Variants in YPEL2 observed in about 807,000 individuals in gnomAD.
The protein encoded by YPEL2 is protein yippee-like 2.
YPEL2 carries 2 observed loss-of-function variants against 19.1 expected under a neutral mutation model. The observed-to-expected ratio is 0.10, with a 90% CI of 0.04 to 0.33. YPEL2 has a LOEUF of 0.33. Ranked by LOEUF, YPEL2 falls within the 10% of genes least tolerant of loss-of-function variation. The pLI is 1.00. For missense variants in YPEL2, 66 were observed against 140.7 expected (o/e 0.47, Z 2.68); for synonymous variants, 52 against 50.0 (o/e 1.04, Z -0.17).
At chr17:59,343,301 G>C (rs1215622632) in intron 1 of YPEL2, among the ~76,000 whole-genome samples, 1 of 151,764 alleles carries the variant, frequency 6.6e-6, no homozygotes, top group Non-Finnish European at 1.5e-5. Flanking sequence ...ATTTTACTCA[G>C]TTAACATTTA....
At chr17:59,390,472 C>G (rs925479332) in intron 4 of YPEL2, among the ~76,000 whole-genome samples, 1 of 152,198 alleles carries the variant, frequency 6.6e-6, no homozygotes, top group East Asian at 1.9e-4. Flanking sequence ...AGCCACTGTA[C>G]TTTGATACTC....
chr17:59,383,458 C>T (rs1002788652), intron 2 of YPEL2, among the ~76,000 whole-genome samples: 2 of 147,606 alleles, frequency 1.4e-5, no homozygotes, highest in African/African-American at 5.0e-5. Flanking sequence ...ATTAGCTGGG[C>T]GTGGTGGTGG....
chr17:59,386,568 A>C (rs760191678), intron 2 of YPEL2, among the ~76,000 whole-genome samples: 31 of 152,078 alleles, frequency 2.0e-4, no homozygotes, highest in Non-Finnish European at 3.4e-4. Context: ...GGAGTGAAGG[A>C]CATAATGGGG....
intron 2 of YPEL2, among the ~76,000 whole-genome samples, chr17:59,360,169 CG>C (rs2047833494): frequency 6.6e-6 from 1 of 151,946 alleles, no homozygotes; most frequent in Non-Finnish European, 1.5e-5. Flanking sequence ...CTCCGCTTCC[CG>C]GGTTCACGCC....
intron 2 of YPEL2, among the ~76,000 whole-genome samples, chr17:59,368,331 G>A (rs894476287): frequency 3.3e-5 from 5 of 152,286 alleles, no homozygotes; most frequent in South Asian, 4.1e-4. Flanking sequence ...TGATCAGCCC[G>A]CCTTGGCCTG....
chr17:59,399,389 A>G lies in YPEL2; in HGVS notation c.*2199A>G, dbSNP rs575163600. The G allele has an allele frequency of 2.0e-5, 3 of 152,372 alleles. No individual in the cohort carries two copies. Among genetic ancestry groups the G allele is most frequent in the African/African-American group, 7.2e-5 (3 of 41,578 alleles). 9.4% of individuals were successfully genotyped at this position (152,372 alleles called of 1,614,324 possible). A position where few individuals can be genotyped will look rare whatever the true frequency, so the allele number is the denominator to read the frequency against. On this transcript the variant is annotated 3_prime_UTR_variant, in exon 5 of 5. Transcript: ENST00000312655. The stretch of plus-strand genomic sequence containing the variant: ...AGGTATTTTGTCTTTCAAACTACAA[A>G]TGGAATGTGGTGACATAAACTAGAC...
chr17:59,383,593 AAAAAAAAAAAAAAAAAATAT>A (rs1567756656), intron 2 of YPEL2, among the ~76,000 whole-genome samples: 9 of 52,420 alleles, frequency 1.7e-4, no homozygotes, highest in African/African-American at 7.4e-4. Flanking sequence ...AAAAAAAAAA[AAAAAAAAAAAAAAAAAATAT>A]ATATATATAT....
At chr17:59,349,702 C>G (rs931455494) in intron 1 of YPEL2, among the ~76,000 whole-genome samples, 1 of 152,098 alleles carries the variant, frequency 6.6e-6, no homozygotes, top group African/African-American at 2.4e-5. Flanking sequence ...CGCACTGTCA[C>G]CAGACTGGAG....
chr17:59,364,792 ATTTG>A (rs1263601860), intron 2 of YPEL2, among the ~76,000 whole-genome samples: 1 of 151,624 alleles, frequency 6.6e-6, no homozygotes, highest in Non-Finnish European at 1.5e-5. Context: ...TTATTTATTT[ATTTG>A]TTTATTTCAT....
At chr17:59,376,777 C>T (rs766125303) in intron 2 of YPEL2, among the ~76,000 whole-genome samples, 17 of 151,960 alleles carry the variant, frequency 1.1e-4, no homozygotes, top group Admixed American at 3.9e-4. Context: ...TCTAATTTCA[C>T]TGTAGTGATT....
intron 2 of YPEL2, among the ~76,000 whole-genome samples, chr17:59,382,868 C>A (rs1183817703): frequency 2.0e-5 from 3 of 152,144 alleles, no homozygotes; most frequent in African/African-American, 7.2e-5. Flanking sequence ...GTCTCAAACT[C>A]CTGACCTCAA....
intron 1 of YPEL2, among the ~76,000 whole-genome samples, chr17:59,341,563 G>A (rs1318959874): frequency 3.9e-5 from 6 of 152,172 alleles, no homozygotes; most frequent in African/African-American, 1.4e-4. Context: ...GGAGGCGGAG[G>A]CAGGAGAATT....
At chr17:59,381,373 C>A (rs965722442) in intron 2 of YPEL2, among the ~76,000 whole-genome samples, 2 of 152,264 alleles carry the variant, frequency 1.3e-5, no homozygotes, top group Admixed American at 1.3e-4. Context: ...TCTTCCTAGA[C>A]AGAGAAGGGG....
chr17:59,340,270 G>C (rs959398182), intron 1 of YPEL2, among the ~76,000 whole-genome samples: 4 of 151,852 alleles, frequency 2.6e-5, no homozygotes, highest in African/African-American at 7.3e-5. Flanking sequence ...CACTACGCCC[G>C]GCTAATTTTT....
chr17:59,347,763 C>G (rs532225479), intron 1 of YPEL2, among the ~76,000 whole-genome samples: 1 of 152,210 alleles, frequency 6.6e-6, no homozygotes, highest in South Asian at 2.1e-4. Flanking sequence ...CAAAGAGATG[C>G]TTGAAGACAA....
rs2048065588 is a variant in YPEL2, at chr17:59,400,560, T to TC, written c.*3374dup. 1 of 152,408 alleles carries TC rather than the reference T, an allele frequency of 6.6e-6. No individual in the cohort carries two copies. The highest frequency in any genetic ancestry group is 1.5e-5 in the Non-Finnish European group (1 of 67,998). 9.4% of individuals were successfully genotyped at this position (152,408 alleles called of 1,614,324 possible). ...TGAAGCAATGCCTCTCTGCATTTTT[T>TC]CCCCAGTGGAACAGACTCTGCAGTA... On this transcript the variant is annotated 3_prime_UTR_variant, in exon 5 of 5. Coordinates refer to ENST00000312655, the MANE Select transcript of YPEL2 (RefSeq NM_001005404.4).
intron 2 of YPEL2, among the ~76,000 whole-genome samples, chr17:59,370,250 A>G (rs1290671524): frequency 6.6e-6 from 1 of 152,096 alleles, no homozygotes; most frequent in African/African-American, 2.4e-5. Flanking sequence ...TTTTTAGTAG[A>G]GACGGGGTTT....
chr17:59,342,271 CA>C (rs1374282287), intron 1 of YPEL2, among the ~76,000 whole-genome samples: 1 of 152,182 alleles, frequency 6.6e-6, no homozygotes, highest in Non-Finnish European at 1.5e-5. Flanking sequence ...ACACAGTGCC[CA>C]AAGTCTACAA....
At chr17:59,350,158 C>A (rs549010529) in intron 1 of YPEL2, among the ~76,000 whole-genome samples, 44 of 151,874 alleles carry the variant, frequency 2.9e-4, no homozygotes, top group Non-Finnish European at 6.0e-4. Context: ...GCAGTCTCAA[C>A]CTCCTGGGCT....
Sources: gnomAD v4.1 joint callset for allele counts (sites outside exome capture counted in the v4.1 genomes callset) on GRCh38, gnomAD v4.1.1 for gene constraint, MANE v1.5 for transcripts, NCBI Gene and HGNC (gene_info 2026-07-23, HGNC 2026-07-21) for gene names.